GALNT18: variants seen among roughly 807,000 people sequenced by gnomAD.
GALNT18 encodes polypeptide N-acetylgalactosaminyltransferase 18.
A neutral mutation model predicts 69.5 loss-of-function variants in GALNT18; 44 were observed. The ratio of observed to expected loss-of-function variants is 0.63; its 90% confidence interval spans 0.50 to 0.81. The LOEUF is 0.81. Among genes scored for constraint, GALNT18 ranks in the 40% least tolerant of loss-of-function variants. The pLI is 0.00. For synonymous variants in GALNT18, 364 were observed against 318.2 expected (o/e 1.14, Z -1.53); for missense variants, 715 against 810.0 (o/e 0.88, Z 1.42).
Position 11,600,679 on chromosome 11 carries a change from T to A in GALNT18, c.235+20680A>T, listed in dbSNP as rs1001052570. Reference sequence around the variant, plus strand: ...GCTTCTTGGATATAAAGATTAATATTCTTTCTCAAATTTGGGGAGTATTTG... The same window carrying A: ...GCTTCTTGGATATAAAGATTAATATACTTTCTCAAATTTGGGGAGTATTTG... On this transcript the variant is annotated intron_variant, in intron 1 of 10. Coordinates refer to ENST00000227756, the MANE Select transcript of GALNT18 (RefSeq NM_198516.3). The surrounding 1 kb of genome is among the most constrained non-coding windows in gnomAD (Gnocchi z 4.8). Among the ~76,000 whole-genome samples the A allele has an allele frequency of 6.6e-6, 1 of 152,130 alleles. No homozygotes were observed. Among genetic ancestry groups the A allele is most frequent in the African/African-American group, 2.4e-5 (1 of 41,470 alleles).
At chr11:11,594,848 T>TATACACAC (rs1488821833) in intron 1 of GALNT18, among the ~76,000 whole-genome samples, 10 of 114,290 alleles carry the variant, frequency 8.7e-5, no homozygotes, top group Non-Finnish European at 1.3e-4. Context: ...TATACACATA[T>TATACACAC]ACATACATAC....
chr11:11,274,385 A>C (rs1469868789), intron 10 of GALNT18, among the ~76,000 whole-genome samples: 1 of 152,166 alleles, frequency 6.6e-6, no homozygotes, highest in Non-Finnish European at 1.5e-5. Context: ...CAGGGAGCCA[A>C]GTGGTCTGGA....
At chr11:11,419,168 G>A (rs947571948) in intron 3 of GALNT18, among the ~76,000 whole-genome samples, 1 of 152,220 alleles carries the variant, frequency 6.6e-6, no homozygotes, top group Non-Finnish European at 1.5e-5. Context: ...CAGCACAGAA[G>A]GGGTCAGAGT....
chr11:11,361,942 T>C (rs1850654337), intron 6 of GALNT18, among the ~76,000 whole-genome samples: 1 of 152,118 alleles, frequency 6.6e-6, no homozygotes, highest in South Asian at 2.1e-4. Flanking sequence ...ATAAAGCCTA[T>C]AAAAATGAAA....
intron 7 of GALNT18, among the ~76,000 whole-genome samples, chr11:11,335,393 T>C (rs1027945908): frequency 2.0e-5 from 3 of 152,242 alleles, no homozygotes; most frequent in African/African-American, 4.8e-5. Flanking sequence ...GTGTTTACTA[T>C]AAATTTCATC....
chr11:11,481,509 G>A (rs1856530187), intron 1 of GALNT18, among the ~76,000 whole-genome samples: 1 of 151,990 alleles, frequency 6.6e-6, no homozygotes, highest in Non-Finnish European at 1.5e-5. Context: ...TAGAGCACAT[G>A]CCTCAGAGCT....
At position 11,436,922 on chromosome 11, in the gene GALNT18, AACCCAGCACTG is replaced by A. The variant is rs1236808768; in HGVS notation, c.429-4146_429-4136del. Among the ~76,000 whole-genome samples, 1 of 152,196 alleles carries A rather than the reference AACCCAGCACTG, an allele frequency of 6.6e-6. No homozygotes were observed. The highest frequency in any genetic ancestry group is 1.5e-5 in the Non-Finnish European group (1 of 68,026). ...AGTCCAGCCACTTTCTCGGCCTGGC[AACCCAGCACTG>A]ACCCAGTGGCCTTTGCTCCCAAATC... is the stretch of plus-strand genomic sequence containing the variant. On this transcript the variant is annotated intron_variant, in intron 2 of 10. Transcript: ENST00000227756. This position sits in a 1 kb window ranked among gnomAD's most constrained non-coding sequence, Gnocchi z 4.5.
At chr11:11,300,322 C>G (rs138531479) in intron 9 of GALNT18, among the ~76,000 whole-genome samples, 1 of 152,276 alleles carries the variant, frequency 6.6e-6, no homozygotes, top group Non-Finnish European at 1.5e-5. Flanking sequence ...CTGAAACTGT[C>G]CTGGGCCTAG....
chr11:11,427,990 A>G (rs1243613285), intron 3 of GALNT18, among the ~76,000 whole-genome samples: 1 of 152,194 alleles, frequency 6.6e-6, no homozygotes, highest in East Asian at 1.9e-4. Flanking sequence ...AAGTCCTAGA[A>G]CATTTCATCC....
chr11:11,542,494 C>A lies in GALNT18; in HGVS notation c.235+78865G>T, dbSNP rs890718370. Among the ~76,000 whole-genome samples, 7 of 152,240 alleles carry A rather than the reference C, an allele frequency of 4.6e-5. No individual in the cohort carries two copies. The highest frequency in any genetic ancestry group is 6.5e-5 in the Admixed American group (1 of 15,284). On this transcript the variant is annotated intron_variant, in intron 1 of 10. Coordinates refer to ENST00000227756, the MANE Select transcript of GALNT18 (RefSeq NM_198516.3). The surrounding 1 kb of genome is among the most constrained non-coding windows in gnomAD (Gnocchi z 4.3). ...CAATGAATGAATGAAGAAATCATCA[C>A]GTGCTTCTCACTTTTCACATGCAAA... is the stretch of plus-strand genomic sequence containing the variant.
At chr11:11,420,483 G>C (rs1463102008) in intron 3 of GALNT18, among the ~76,000 whole-genome samples, 1 of 152,142 alleles carries the variant, frequency 6.6e-6, no homozygotes, top group African/African-American at 2.4e-5. Context: ...CATGGTTTGG[G>C]GCAGCCTTTC....
At chr11:11,484,643 C>T (rs1856605447) in intron 1 of GALNT18, among the ~76,000 whole-genome samples, 1 of 151,524 alleles carries the variant, frequency 6.6e-6, no homozygotes, top group Non-Finnish European at 1.5e-5. Context: ...TAATAAAGCC[C>T]CCAGGGGTCT....
chr11:11,427,858 T>C (rs1855168313), intron 3 of GALNT18, among the ~76,000 whole-genome samples: 1 of 152,056 alleles, frequency 6.6e-6, no homozygotes. Flanking sequence ...CCCCACCTCA[T>C]CCCCAGTGCC....
At chr11:11,530,974 A>G (rs1253193644) in intron 1 of GALNT18, among the ~76,000 whole-genome samples, 5 of 152,118 alleles carry the variant, frequency 3.3e-5, no homozygotes, top group Admixed American at 2.0e-4. Context: ...AGAAAAAGGC[A>G]CTCACTGAGG....
In GALNT18 at chr11:11,307,914, A is replaced by G. The variant is rs546520747; in HGVS notation, c.1513-14721T>C. Among the ~76,000 whole-genome samples, 11 of 152,220 alleles carry G rather than the reference A, an allele frequency of 7.2e-5. 1 individual carries two copies. Among genetic ancestry groups the G allele is most frequent in the Non-Finnish European group, 1.5e-4 (10 of 68,032 alleles). On this transcript the variant is annotated intron_variant, in intron 9 of 10. Transcript: ENST00000227756. ...GGAACGAAGTTCAGTTGCCACGAGGACAGACAGAGTTTTGGAAGTGGGCGC... is the reference window on the plus strand; with the variant it reads ...GGAACGAAGTTCAGTTGCCACGAGGGCAGACAGAGTTTTGGAAGTGGGCGC...
chr11:11,595,561 A>G lies in GALNT18; in HGVS notation c.235+25798T>C, dbSNP rs146834098. 6.8e-3 allele frequency among the ~76,000 whole-genome samples: 1,030 copies of G among 152,292 alleles called. 15 individuals are homozygous for G. Among genetic ancestry groups the G allele is most frequent in the African/African-American group, 0.024 (978 of 41,556 alleles). On this transcript the variant is annotated intron_variant, in intron 1 of 10. Transcript: ENST00000227756. This position sits in a 1 kb window ranked among gnomAD's most constrained non-coding sequence, Gnocchi z 5.2. ...AGGATTCCAACTTCTCCACATCCTC[A>G]CCAACACTCATTATCCTAGTGGGTG...
At chr11:11,568,892 C>T (rs1023176363) in intron 1 of GALNT18, among the ~76,000 whole-genome samples, 5 of 152,200 alleles carry the variant, frequency 3.3e-5, no homozygotes, top group Admixed American at 6.5e-5. Context: ...CCTGCTTCTG[C>T]CAGATGGGCT....
chr11:11,544,206 G>A (rs1010686008), intron 1 of GALNT18, among the ~76,000 whole-genome samples: 5 of 152,176 alleles, frequency 3.3e-5, no homozygotes, highest in African/African-American at 1.2e-4. Context: ...TGGAAACCAA[G>A]CACATAGTAA....
chr11:11,313,142 C>T (rs968348935), intron 9 of GALNT18, among the ~76,000 whole-genome samples: 12 of 152,134 alleles, frequency 7.9e-5, no homozygotes, highest in African/African-American at 2.7e-4. Context: ...GGGGCTTTGG[C>T]TCTAATGCTC....
Sources: gnomAD v4.1 joint callset for allele counts (sites outside exome capture counted in the v4.1 genomes callset) on GRCh38, gnomAD v4.1.1 for gene constraint, Gnocchi (gnomAD v3.1) non-coding constraint, MANE v1.5 for transcripts, NCBI Gene and HGNC (gene_info 2026-07-23, HGNC 2026-07-21) for gene names.